ELSPBP1: variants seen among roughly 807,000 people sequenced by gnomAD.
The protein encoded by ELSPBP1 is epididymal sperm binding protein 1, also known as epididymal sperm-binding protein 1.
In ELSPBP1, 38 loss-of-function variants were observed where a neutral mutation model predicts 33.3. The ratio of observed to expected loss-of-function variants is 1.14; its 90% CI spans 0.88 to 1.50. The LOEUF (loss-of-function observed/expected upper bound fraction) is 1.50, where lower values mean the gene tolerates loss of function less well. ELSPBP1 is among the 40% of genes most tolerant of loss of function. The pLI, the probability that ELSPBP1 is intolerant of heterozygous loss-of-function variation, is 0.00. For synonymous variants in ELSPBP1, 85 were observed against 94.1 expected, an observed-to-expected ratio of 0.90 and a Z score of 0.56; for missense variants, 267 against 263.5, an observed-to-expected ratio of 1.01 and a Z score of -0.09.
chr19:48,005,328 G>A (rs1050477372), intron 1 of ELSPBP1, among the ~76,000 whole-genome samples: 5 of 152,280 alleles, frequency 3.3e-5, no homozygotes, highest in African/African-American at 1.2e-4. Context: ...GTTGAGAAGA[G>A]AAATGAAAAA....
At chr19:48,014,413 G>A in intron 3 of ELSPBP1, 105 bp downstream of exon 3, 1 of 1,317,318 alleles carries the variant, frequency 7.6e-7, no homozygotes, top group Non-Finnish European at 1.0e-6. Flanking sequence ...CAGACAAACG[G>A]TAATACGTAT....
chr19:48,014,984 G>A (rs1967116394), intron 3 of ELSPBP1, among the ~76,000 whole-genome samples: 1 of 152,126 alleles, frequency 6.6e-6, no homozygotes, highest in Non-Finnish European at 1.5e-5. Context: ...GAGGCTGGGC[G>A]AGGTGGCTCA....
At chr19:48,019,901 T>TGGGGG in intron 5 of ELSPBP1, 24 bp downstream of exon 5, 1 of 1,424,776 alleles carries the variant, frequency 7.0e-7, no homozygotes, top group Non-Finnish European at 9.8e-7. Flanking sequence ...GGGGGTTGGG[T>TGGGGG]GGGTGTGGGT....
intron 1 of ELSPBP1, among the ~76,000 whole-genome samples, chr19:47,998,394 G>C (rs1312043103): frequency 6.6e-6 from 1 of 151,862 alleles, no homozygotes; most frequent in Admixed American, 6.6e-5. Context: ...CTGAGTGACA[G>C]AGTGAGACTC....
chr19:48,004,474 G>C (rs1568403717), intron 1 of ELSPBP1, among the ~76,000 whole-genome samples: 1 of 152,140 alleles, frequency 6.6e-6, no homozygotes, highest in African/African-American at 2.4e-5. Context: ...TAGCCATGCG[G>C]GTCCCACTTG....
chr19:48,016,460 C>T (rs112170164), intron 4 of ELSPBP1, among the ~76,000 whole-genome samples: 1,987 of 17,504 alleles, frequency 0.11, 56 homozygotes, highest in Middle Eastern at 0.2. Flanking sequence ...TCTTTCTTTT[C>T]TTTCCTTCTT....
chr19:47,996,395 G>C (rs928166906), intron 1 of ELSPBP1, among the ~76,000 whole-genome samples: 3 of 152,202 alleles, frequency 2.0e-5, no homozygotes, highest in African/African-American at 7.2e-5. Flanking sequence ...ATGGATGGAT[G>C]ATAAGAGGAT....
In ELSPBP1 at chr19:48,006,635, A is replaced by AG. The variant is rs1568404359; in HGVS notation, c.-17-2016_-17-2015insG. ...AGACCCTGTCTCAAAAAAAAAAAAA[A>AG]AAAAAAAAAAAAGAAAAGAAAAAGA... On this transcript the variant is annotated intron_variant, in intron 1 of 6. Coordinates refer to ENST00000339841, the MANE Select transcript of ELSPBP1 (RefSeq NM_022142.5). Among the ~76,000 whole-genome samples the AG allele has an allele frequency of 2.9e-4, 41 of 141,870 alleles. 2 individuals carry two copies. Among genetic ancestry groups the AG allele is most frequent in the Admixed American group, 6.4e-4 (9 of 14,080 alleles). The allele number at this position is 141,870 out of a possible 152,430, so 93.1% of individuals were successfully genotyped here. A position where few individuals can be genotyped will look rare whatever the true frequency, so the allele number is the denominator to read the frequency against.
At chr19:48,013,885 C>T (rs1482426670) in intron 2 of ELSPBP1, among the ~76,000 whole-genome samples, 3 of 152,120 alleles carry the variant, frequency 2.0e-5, no homozygotes, top group Non-Finnish European at 2.9e-5. Context: ...ACAGATGGTG[C>T]CTTCTTGCTG....
intron 2 of ELSPBP1, among the ~76,000 whole-genome samples, chr19:48,012,322 G>T (rs28556894): frequency 0.17 from 25,350 of 151,712 alleles, 2,175 homozygotes; most frequent in South Asian, 0.23. Context: ...TAGAGATGGG[G>T]GTCTCACTTT....
chr19:47,998,244 T>A (rs1418402550), intron 1 of ELSPBP1, among the ~76,000 whole-genome samples: 1 of 151,894 alleles, frequency 6.6e-6, no homozygotes, highest in Non-Finnish European at 1.5e-5. Context: ...AAACCCCGTC[T>A]CTACTAAAAA....
chr19:47,996,407 G>C (rs767780718), intron 1 of ELSPBP1, among the ~76,000 whole-genome samples: 3 of 152,098 alleles, frequency 2.0e-5, no homozygotes, highest in Non-Finnish European at 2.9e-5. Flanking sequence ...TAAGAGGATG[G>C]ATTCAATGAA....
At chr19:48,010,407 A>T (rs970658441) in intron 2 of ELSPBP1, among the ~76,000 whole-genome samples, 3 of 152,212 alleles carry the variant, frequency 2.0e-5, no homozygotes, top group African/African-American at 7.2e-5. Context: ...TAAATTATTC[A>T]GTATACACTT....
intron 1 of ELSPBP1, among the ~76,000 whole-genome samples, chr19:48,001,937 T>G (rs1337825479): frequency 1.3e-5 from 2 of 152,080 alleles, no homozygotes; most frequent in South Asian, 2.1e-4. Context: ...GCTTGAGTGA[T>G]CCTCCTGCGT....
intron 1 of ELSPBP1, among the ~76,000 whole-genome samples, chr19:48,003,536 G>C (rs10403707): frequency 0.4 from 57,376 of 143,864 alleles, 11,727 homozygotes; most frequent in Non-Finnish European, 0.45. Context: ...TGCCACCCCT[G>C]CTCTTTTTTT....
At chr19:48,000,033 A>G (rs896149815) in intron 1 of ELSPBP1, among the ~76,000 whole-genome samples, 1 of 149,184 alleles carries the variant, frequency 6.7e-6, no homozygotes, top group Non-Finnish European at 1.5e-5. Flanking sequence ...ACTACGTTGC[A>G]CAAGCTGGTC....
chr19:48,005,836 G>GCTT (rs1231084447), intron 1 of ELSPBP1, among the ~76,000 whole-genome samples: 28 of 152,272 alleles, frequency 1.8e-4, no homozygotes, highest in Admixed American at 1.8e-3. Context: ...AGGTGCTTAA[G>GCTT]CTTACTGTGC....
At chr19:48,024,576 G>T (rs1967250166) in intron 6 of ELSPBP1, among the ~76,000 whole-genome samples, 1 of 152,120 alleles carries the variant, frequency 6.6e-6, no homozygotes, top group African/African-American at 2.4e-5. Flanking sequence ...AGAGGAGAGG[G>T]AAAGGAGGGG....
chr19:48,006,002 C>T (rs1036020411), intron 1 of ELSPBP1, among the ~76,000 whole-genome samples: 3 of 152,076 alleles, frequency 2.0e-5, no homozygotes, highest in Admixed American at 2.0e-4. Context: ...GCTGTGTCGC[C>T]CAGGCTGGAG....
Sources: gnomAD v4.1 joint callset for allele counts (sites outside exome capture counted in the v4.1 genomes callset) on GRCh38, gnomAD v4.1.1 for gene constraint, MANE v1.5 for transcripts, NCBI Gene and HGNC (gene_info 2026-07-23, HGNC 2026-07-21) for gene names.